Variants in PTPRD observed in about 807,000 individuals in gnomAD.
The protein encoded by PTPRD is protein tyrosine phosphatase receptor type D.
In PTPRD, 34 loss-of-function variants were observed where a neutral mutation model predicts 214.5. The observed-to-expected ratio is 0.16, with a 90% CI of 0.12 to 0.21. The LOEUF is 0.21. Ranked by LOEUF, PTPRD falls within the 10% of genes least tolerant of loss-of-function variation. PTPRD has a pLI of 1.00. For missense variants in PTPRD, 2,545 were observed against 2,398.7 expected (o/e 1.06, Z -1.27); for synonymous variants, 1,128 against 845.7 (o/e 1.33, Z -5.79).
chr9:9,176,849 T>C (rs2099925189), intron 10 of PTPRD, among the ~76,000 whole-genome samples: 1 of 152,130 alleles, frequency 6.6e-6, no homozygotes, highest in Non-Finnish European at 1.5e-5. Context: ...CTTCCATTCT[T>C]TATAAATTAC....
chr9:9,152,425 A>ATTTGTT (rs1397765669), intron 10 of PTPRD, among the ~76,000 whole-genome samples: 1 of 152,138 alleles, frequency 6.6e-6, no homozygotes, highest in Non-Finnish European at 1.5e-5. Context: ...TCACTCCTTG[A>ATTTGTT]TTTGTTTTTA....
At chr9:9,096,228 C>T (rs933947758) in intron 10 of PTPRD, among the ~76,000 whole-genome samples, 20 of 152,082 alleles carry the variant, frequency 1.3e-4, no homozygotes, top group Non-Finnish European at 2.2e-4. Flanking sequence ...TTTTAGCCAC[C>T]GTTGCCACAA....
intron 11 of PTPRD, among the ~76,000 whole-genome samples, chr9:8,990,660 G>A (rs932833568): frequency 2.0e-5 from 3 of 152,086 alleles, no homozygotes; most frequent in Non-Finnish European, 4.4e-5. Context: ...TATTATTCTC[G>A]CCTTCCCCTG....
At chr9:9,323,025 C>G (rs1192546088) in intron 9 of PTPRD, among the ~76,000 whole-genome samples, 1 of 152,090 alleles carries the variant, frequency 6.6e-6, no homozygotes, top group East Asian at 1.9e-4. Context: ...GAAGGAATCA[C>G]TCAAATTTTT....
intron 12 of PTPRD, among the ~76,000 whole-genome samples, chr9:8,729,094 G>T (rs1267718684): frequency 6.6e-6 from 1 of 152,172 alleles, no homozygotes; most frequent in Admixed American, 6.5e-5. Context: ...AAGAGGCACT[G>T]TATTACTGTG....
intron 8 of PTPRD, among the ~76,000 whole-genome samples, chr9:9,547,589 A>T (rs2079096114): frequency 6.6e-6 from 1 of 152,088 alleles, no homozygotes; most frequent in South Asian, 2.1e-4. Flanking sequence ...GTAAAGGCTG[A>T]ATAGGTCATA....
intron 9 of PTPRD, among the ~76,000 whole-genome samples, chr9:9,197,059 C>A (rs1453275130): frequency 2.0e-5 from 3 of 152,196 alleles, no homozygotes; most frequent in Non-Finnish European, 4.4e-5. Context: ...CATCCCCCAA[C>A]TTAGTTAATG....
chr9:10,362,019 G>T (rs1372555084), intron 2 of PTPRD, among the ~76,000 whole-genome samples: 1 of 152,156 alleles, frequency 6.6e-6, no homozygotes, highest in African/African-American at 2.4e-5. Context: ...CATGTTTTCA[G>T]TCCAGGACAG....
At chr9:9,735,648 A>G (rs2098279517) in intron 6 of PTPRD, among the ~76,000 whole-genome samples, 1 of 152,110 alleles carries the variant, frequency 6.6e-6, no homozygotes, top group Non-Finnish European at 1.5e-5. Flanking sequence ...GTCTAAAATC[A>G]TTTGAGAAGA....
chr9:8,511,547 T>C (rs1348468258), intron 21 of PTPRD, among the ~76,000 whole-genome samples: 1 of 152,062 alleles, frequency 6.6e-6, no homozygotes, highest in Admixed American at 6.6e-5. Context: ...TAACTGAACA[T>C]AAATTTTATA....
In PTPRD at chr9:9,788,308, T is replaced by C. The variant is rs552517973; in HGVS notation, c.-367-21457A>G. Among the ~76,000 whole-genome samples the C allele has an allele frequency of 7.3e-5, 11 of 151,086 alleles. No individual in the cohort carries two copies. In the South Asian group the frequency reaches 2.1e-3, roughly 29 times the overall value. ...GACTCACACCTGTAATCCCAGCACT[T>C]TGGGAGGCCGAGGTGGGTGGATCAC... On this transcript the variant is annotated intron_variant, in intron 5 of 45. Transcript: ENST00000381196.
intron 2 of PTPRD, among the ~76,000 whole-genome samples, chr9:10,601,174 C>T (rs1216100016): frequency 6.6e-6 from 1 of 151,328 alleles, no homozygotes; most frequent in Admixed American, 6.6e-5. Flanking sequence ...TTTTAAAATT[C>T]CCATTGGTGG....
At chr9:8,793,149 C>A (rs1338072500) in intron 11 of PTPRD, among the ~76,000 whole-genome samples, 4 of 152,176 alleles carry the variant, frequency 2.6e-5, no homozygotes, top group African/African-American at 9.7e-5. Flanking sequence ...TTGTCTGTAG[C>A]CCTGTCATTG....
intron 3 of PTPRD, among the ~76,000 whole-genome samples, chr9:10,227,751 T>C (rs1403967147): frequency 6.6e-6 from 1 of 152,022 alleles, no homozygotes; most frequent in East Asian, 1.9e-4. Context: ...TCTGTGTTTA[T>C]CAGTGTGTCC....
chr9:9,881,817 C>G (rs545853766), intron 5 of PTPRD, among the ~76,000 whole-genome samples: 1 of 152,234 alleles, frequency 6.6e-6, no homozygotes, highest in Non-Finnish European at 1.5e-5. Flanking sequence ...AAAGGAGAAA[C>G]TTGACATATG....
At chr9:10,536,925 G>C (rs951651570) in intron 2 of PTPRD, among the ~76,000 whole-genome samples, 16 of 152,050 alleles carry the variant, frequency 1.1e-4, no homozygotes, top group African/African-American at 3.1e-4. Context: ...ACCTAAGCCA[G>C]CAACTAATAG....
At position 10,486,396 on chromosome 9, in the gene PTPRD, T is replaced by C. The variant is rs2099133154; in HGVS notation, c.-600+126002A>G. On this transcript the variant is annotated intron_variant, in intron 2 of 45. Coordinates refer to ENST00000381196, the MANE Select transcript of PTPRD (RefSeq NM_002839.4). ...AGGGGTCCAATTTCAGTTTTCTGCA[T>C]ATGGCTGGACAGTTTTCCCAGCACC... 2.0e-5 allele frequency among the ~76,000 whole-genome samples: 3 copies of C among 152,210 alleles called. No homozygotes were observed. In the South Asian group the frequency reaches 6.2e-4, roughly 32 times the overall value.
rs185704570 is a variant in PTPRD at position 8,556,337 on chromosome 9, G to C, written c.353-27558C>G. Among the ~76,000 whole-genome samples, 341 of 152,262 alleles carry C rather than the reference G, an allele frequency of 2.2e-3. 1 individual carries two copies. Among genetic ancestry groups the C allele is most frequent in the African/African-American group, 7.9e-3 (327 of 41,556 alleles). On this transcript the variant is annotated intron_variant, in intron 14 of 45. Coordinates refer to ENST00000381196, the MANE Select transcript of PTPRD (RefSeq NM_002839.4). ...GTTGAAATTCTGTTGCAAAACACCA[G>C]AGTAAACTTAACCATGAATGTTTTT... is the stretch of plus-strand genomic sequence containing the variant.
At chr9:8,612,050 C>T (rs1268257994) in intron 14 of PTPRD, among the ~76,000 whole-genome samples, 4 of 149,498 alleles carry the variant, frequency 2.7e-5, no homozygotes, top group East Asian at 2.0e-4. Context: ...TCCAGAAAGA[C>T]GATGTTTCAA....
Sources: allele counts gnomAD v4.1 joint callset (sites outside exome capture counted in the v4.1 genomes callset), GRCh38; gene constraint gnomAD v4.1.1; transcripts MANE v1.5; gene names NCBI Gene and HGNC (gene_info 2026-07-23, HGNC 2026-07-21).